The following CRYBA4 variants were observed in gnomAD, a reference collection of about 807,000 sequenced individuals.
CRYBA4 encodes crystallin beta A4.
In CRYBA4, 30 loss-of-function variants were observed where a neutral mutation model predicts 31.7. The ratio of observed to expected loss-of-function variants is 0.95; its 90% CI spans 0.71 to 1.28. The LOEUF (loss-of-function observed/expected upper bound fraction) is 1.28, where lower values mean the gene tolerates loss of function less well. Among genes scored for constraint, CRYBA4 ranks in the 50% most tolerant of loss-of-function variants. The probability of loss-of-function intolerance (pLI) is 0.00; values close to 1 mark genes in which losing one functional copy is unlikely to be tolerated. For missense variants in CRYBA4, 225 were observed against 260.7 expected, an observed-to-expected ratio of 0.86 and a Z score of 0.94; for synonymous variants, 102 against 102.3, an observed-to-expected ratio of 1.00 and a Z score of 0.02.
chr22:26,594,395 C>A, the CRYBA4 span, among the ~76,000 whole-genome samples: 15 of 152,296 alleles, frequency 9.8e-5, no homozygotes, highest in South Asian at 3.1e-3. Flanking sequence ...ACACTGCCGG[C>A]GTTGGGCTTA....
chr22:26,620,285 A>G (rs1489813792), upstream of CRYBA4, among the ~76,000 whole-genome samples: 1 of 152,116 alleles, frequency 6.6e-6, no homozygotes, highest in Non-Finnish European at 1.5e-5. Context: ...GAAATACCAC[A>G]ATATTTTTTA....
chr22:26,629,194 G>A (rs973868773), intron 5 of CRYBA4, among the ~76,000 whole-genome samples: 1 of 152,116 alleles, frequency 6.6e-6, no homozygotes. Flanking sequence ...TTCTTATTTA[G>A]GGAGGACATC....
At chr22:26,611,015 C>T in the CRYBA4 span, among the ~76,000 whole-genome samples, 1 of 152,180 alleles carries the variant, frequency 6.6e-6, no homozygotes, top group Non-Finnish European at 1.5e-5. Flanking sequence ...CTGACCTCAG[C>T]ACACACAGGC....
the CRYBA4 span, among the ~76,000 whole-genome samples, chr22:26,614,999 C>T: frequency 4.6e-5 from 7 of 152,028 alleles, no homozygotes; most frequent in African/African-American, 1.5e-4. Context: ...AAGGGAGACA[C>T]CTTAGAGTTA....
At chr22:26,618,818 G>T (rs979494679), upstream of CRYBA4, among the ~76,000 whole-genome samples, 1 of 152,214 alleles carries the variant, frequency 6.6e-6, no homozygotes, top group East Asian at 1.9e-4. Flanking sequence ...AGCTGGGTTG[G>T]ATATCGGAGA....
At chr22:26,608,060 A>G in the CRYBA4 span, 2 of 1,613,834 alleles carry the variant, frequency 1.2e-6, no homozygotes, top group Non-Finnish European at 1.7e-6. Context: ...CAGGAGACAT[A>G]TGGTTAGTAG....
chr22:26,628,174 G>A, intron 4 of CRYBA4, 114 bp from the exon 5 acceptor site: 26 of 1,488,132 alleles, frequency 1.7e-5, no homozygotes, highest in Non-Finnish European at 2.3e-5. Context: ...CTTCCAAAAG[G>A]TTTGCAAGGA....
At chr22:26,621,471 C>G (rs5997109), upstream of CRYBA4, among the ~76,000 whole-genome samples, 61,501 of 152,048 alleles carry the variant, frequency 0.4, 12,781 homozygotes, top group Middle Eastern at 0.53. Context: ...CCTCTAACGG[C>G]AAGCCTATCT....
the CRYBA4 span, among the ~76,000 whole-genome samples, chr22:26,591,610 G>A: frequency 2.1e-5 from 3 of 143,562 alleles, no homozygotes; most frequent in African/African-American, 2.6e-5. Context: ...GCATGGTGGT[G>A]CATGCCTGTA....
the CRYBA4 span, among the ~76,000 whole-genome samples, chr22:26,603,125 C>CAAAAAAA: frequency 3.8e-4 from 26 of 68,804 alleles, no homozygotes; most frequent in South Asian, 4.9e-4. Context: ...GACTCCGTCT[C>CAAAAAAA]AAAAAAAAAA....
chr22:26,595,120 T>G, the CRYBA4 span, among the ~76,000 whole-genome samples: 1 of 152,250 alleles, frequency 6.6e-6, no homozygotes, highest in African/African-American at 2.4e-5. Context: ...TTGCTTATAA[T>G]TTTATATGTC....
rs1569211710 is a variant in CRYBA4, at chr22:26,627,408, CTTT to C, written c.301-879_301-877del. Among the ~76,000 whole-genome samples the C allele has an allele frequency of 1.4e-3, 110 of 79,272 alleles. 6 individuals are homozygous for C. Among genetic ancestry groups the C allele is most frequent in the African/African-American group, 6.1e-3 (79 of 12,916 alleles). 52.0% of individuals were successfully genotyped at this position (79,272 alleles called of 152,430 possible). ...TCTTTCTTTCTTTCTTTCTTTCTTT[CTTT>C]CTTTCTTTCTTTCTTTTTCTTTCTT... On this transcript the variant is annotated intron_variant, in intron 4 of 5. Coordinates refer to ENST00000354760, the MANE Select transcript of CRYBA4 (RefSeq NM_001886.3).
At chr22:26,610,979 T>A in the CRYBA4 span, among the ~76,000 whole-genome samples, 1 of 152,086 alleles carries the variant, frequency 6.6e-6, no homozygotes, top group African/African-American at 2.4e-5. Context: ...GCTGCGTGGA[T>A]CTTGTCCTGG....
chr22:26,593,216 G>A, the CRYBA4 span, among the ~76,000 whole-genome samples: 1 of 152,218 alleles, frequency 6.6e-6, no homozygotes, highest in African/African-American at 2.4e-5. Context: ...CAGTACTTAA[G>A]AGGTTTTATC....
chr22:26,616,083 G>C, the CRYBA4 span: 1 of 1,338,894 alleles, frequency 7.5e-7, no homozygotes, highest in Non-Finnish European at 1.1e-6. Flanking sequence ...AGAAGGAGGA[G>C]GAGGGAAGGA....
At chr22:26,617,677 G>T (rs1315637276), upstream of CRYBA4, among the ~76,000 whole-genome samples, 2 of 151,456 alleles carry the variant, frequency 1.3e-5, no homozygotes, top group South Asian at 2.1e-4. Flanking sequence ...CTGCCTATCT[G>T]CCTGTCTGTT....
At chr22:26,611,469 G>A in the CRYBA4 span, among the ~76,000 whole-genome samples, 1 of 133,318 alleles carries the variant, frequency 7.5e-6, no homozygotes, top group Non-Finnish European at 1.6e-5. Flanking sequence ...TTTTTTTTTT[G>A]TTTTTTTTTT....
intron 4 of CRYBA4, among the ~76,000 whole-genome samples, chr22:26,627,510 TTCTTTCTTTCTTTCTC>T (rs1469986205): frequency 9.1e-6 from 1 of 110,190 alleles, no homozygotes; most frequent in Non-Finnish European, 1.8e-5. Context: ...CTTTCTTTCT[TTCTTTCTTTCTTTCTC>T]TTTCTTTCCT....
the CRYBA4 span, among the ~76,000 whole-genome samples, chr22:26,610,991 G>T: frequency 6.6e-6 from 1 of 152,150 alleles, no homozygotes; most frequent in Non-Finnish European, 1.5e-5. Flanking sequence ...TTGTCCTGGG[G>T]CTGCCCCTCC....
Sources: allele counts gnomAD v4.1 joint callset (sites outside exome capture counted in the v4.1 genomes callset), GRCh38; gene constraint gnomAD v4.1.1; transcripts MANE v1.5; gene names NCBI Gene and HGNC (gene_info 2026-07-23, HGNC 2026-07-21).